SENP7: variants seen among roughly 807,000 people sequenced by gnomAD.
SENP7 encodes the protein sentrin-specific protease 7.
A neutral mutation model predicts 141.2 loss-of-function variants in SENP7; 64 were observed. The ratio of observed to expected loss-of-function variants is 0.45; its 90% CI spans 0.37 to 0.56. SENP7 has a LOEUF of 0.56. Among genes scored for constraint, SENP7 ranks in the 20% least tolerant of loss-of-function variants. SENP7 has a pLI of 0.00. For synonymous variants in SENP7, 382 were observed against 426.4 expected, an observed-to-expected ratio of 0.90 and a Z score of 1.28; for missense variants, 1,025 against 1,212.2, an observed-to-expected ratio of 0.85 and a Z score of 2.29.
chr3:101,480,161 A>G (rs1010783378), intron 3 of SENP7, among the ~76,000 whole-genome samples: 1 of 152,158 alleles, frequency 6.6e-6, no homozygotes, highest in Non-Finnish European at 1.5e-5. Context: ...TTTCATAGCA[A>G]TGAAAGATAA....
chr3:101,476,595 A>G (rs2108004260), intron 3 of SENP7, among the ~76,000 whole-genome samples: 1 of 152,296 alleles, frequency 6.6e-6, no homozygotes, highest in Middle Eastern at 3.4e-3. Context: ...ACCATTTATA[A>G]TCCTTTGGGT....
intron 11 of SENP7, among the ~76,000 whole-genome samples, chr3:101,355,957 T>C (rs962064918): frequency 6.6e-6 from 1 of 152,158 alleles, no homozygotes; most frequent in African/African-American, 2.4e-5. Context: ...AGGTATTTTA[T>C]TCATTTTGTG....
intron 6 of SENP7, among the ~76,000 whole-genome samples, chr3:101,396,825 TTTG>T (rs781721238): frequency 2.2e-4 from 34 of 152,072 alleles, no homozygotes; most frequent in East Asian, 1.9e-3. Context: ...GATAGGTACT[TTTG>T]TTGTTGTTGT....
intron 5 of SENP7, among the ~76,000 whole-genome samples, chr3:101,400,672 T>G (rs1226113155): frequency 6.6e-6 from 1 of 151,706 alleles, no homozygotes; most frequent in Non-Finnish European, 1.5e-5. Context: ...CCTATCTCTC[T>G]CTCTCTCCTC....
At chr3:101,367,785 A>AT in intron 8 of SENP7, 45 bp downstream of exon 8, 1 of 1,238,808 alleles carries the variant, frequency 8.1e-7, no homozygotes, top group Admixed American at 2.5e-5. Context: ...CGTTTTTATC[A>AT]TAGCATGAAA....
chr3:101,442,578 G>C (rs1378493241), intron 4 of SENP7, among the ~76,000 whole-genome samples: 3 of 152,106 alleles, frequency 2.0e-5, no homozygotes, highest in African/African-American at 7.2e-5. Context: ...CATGGCTCCA[G>C]GGGTTGGGGA....
intron 6 of SENP7, among the ~76,000 whole-genome samples, chr3:101,379,030 A>G (rs186121563): frequency 4.6e-5 from 7 of 152,306 alleles, no homozygotes; most frequent in Non-Finnish European, 8.8e-5. Context: ...TAGTATAAAA[A>G]CAGACACATA....
chr3:101,472,059 G>A (rs1350358503), intron 3 of SENP7, among the ~76,000 whole-genome samples: 1 of 152,260 alleles, frequency 6.6e-6, no homozygotes, highest in East Asian at 1.9e-4. Context: ...TGGTGGGAAT[G>A]TAAATTAGTT....
intron 5 of SENP7, among the ~76,000 whole-genome samples, chr3:101,413,856 A>T (rs1225661074): frequency 1.3e-5 from 2 of 152,228 alleles, no homozygotes; most frequent in Non-Finnish European, 2.9e-5. Flanking sequence ...AGGAACAGAC[A>T]GACACAAAGC....
At position 101,434,961 on chromosome 3, in the gene SENP7, C is replaced by T. The variant is rs2062326846; in HGVS notation, c.285-17171G>A. The stretch of plus-strand genomic sequence containing the variant: ...CTAACACCAAAACCAAACAAAGAAA[C>T]ATCAAAAAAAGAAAACTACAGGCCA... On this transcript the variant is annotated intron_variant, in intron 4 of 23. Transcript: ENST00000394095. Among the ~76,000 whole-genome samples, 3 of 152,012 alleles carry T rather than the reference C, an allele frequency of 2.0e-5. No homozygotes were observed. The South Asian group carries it at 6.2e-4, about 32-fold the overall frequency.
At chr3:101,473,912 T>C (rs2064112971) in intron 3 of SENP7, among the ~76,000 whole-genome samples, 1 of 152,182 alleles carries the variant, frequency 6.6e-6, no homozygotes, top group Admixed American at 6.5e-5. Flanking sequence ...TTTTTGTATA[T>C]GGGCTAAGGA....
At chr3:101,340,482 A>G (rs1273493929) in intron 15 of SENP7, 1 of 335,484 alleles carries the variant, frequency 3.0e-6, no homozygotes, top group Non-Finnish European at 5.3e-6. Flanking sequence ...TCTCTAATCA[A>G]TAGGTTTTAT....
chr3:101,435,912 A>T (rs2062370834), intron 4 of SENP7, among the ~76,000 whole-genome samples: 1 of 152,170 alleles, frequency 6.6e-6, no homozygotes, highest in South Asian at 2.1e-4. Context: ...TCACAGAAAT[A>T]GAAAAACTAA....
intron 11 of SENP7, among the ~76,000 whole-genome samples, chr3:101,359,583 A>G (rs986925625): frequency 5.3e-5 from 8 of 151,780 alleles, no homozygotes; most frequent in African/African-American, 1.9e-4. Flanking sequence ...TACTGTTTGT[A>G]ATAGTAAAAT....
chr3:101,498,657 T>C (rs1214423987), intron 2 of SENP7, among the ~76,000 whole-genome samples: 1 of 152,150 alleles, frequency 6.6e-6, no homozygotes, highest in Non-Finnish European at 1.5e-5. Flanking sequence ...AAAAGGACAT[T>C]AGTGAAACTG....
intron 14 of SENP7, among the ~76,000 whole-genome samples, 158 bp downstream of exon 14, chr3:101,343,524 TTTTG>T (rs1219922118): frequency 1.7e-4 from 26 of 152,324 alleles, no homozygotes; most frequent in African/African-American, 5.8e-4. Flanking sequence ...TCATTATTGA[TTTTG>T]TTTAACAAAT....
chr3:101,333,242 G>A (rs908950674), intron 17 of SENP7: 5 of 174,394 alleles, frequency 2.9e-5, no homozygotes, highest in African/African-American at 4.7e-5. Context: ...CTGTCATTAG[G>A]GAGGTTTTAA....
In SENP7 at chr3:101,374,599, C is replaced by CCACACA. The variant is rs35499343; in HGVS notation, c.678-2479_678-2474dup. ...AATTCATTATGGGGTTTCACCCCAC[C>CCACACA]CACACACACACACACACAAAATTTA... is the stretch of plus-strand genomic sequence containing the variant. On this transcript the variant is annotated intron_variant, in intron 6 of 23. Transcript: ENST00000394095. Among the ~76,000 whole-genome samples, 393 of 149,214 alleles carry CCACACA rather than the reference C, an allele frequency of 2.6e-3. 1 individual carries two copies. Among genetic ancestry groups the CCACACA allele is most frequent in the East Asian group, 0.02 (100 of 5,030 alleles).
chr3:101,408,400 T>C (rs553194560), intron 5 of SENP7, among the ~76,000 whole-genome samples: 3 of 152,096 alleles, frequency 2.0e-5, no homozygotes, highest in East Asian at 1.9e-4. Context: ...TTCGACAAGA[T>C]AGAGAAAGAG....
Sources: gnomAD v4.1 joint callset for allele counts (sites outside exome capture counted in the v4.1 genomes callset) on GRCh38, gnomAD v4.1.1 for gene constraint, MANE v1.5 for transcripts, NCBI Gene and HGNC (gene_info 2026-07-23, HGNC 2026-07-21) for gene names.